LAPTM4B: variants seen among roughly 807,000 people sequenced by gnomAD.
LAPTM4B encodes lysosomal-associated transmembrane protein 4B.
In LAPTM4B, 26 loss-of-function variants were observed where a neutral mutation model predicts 28.5. The ratio of observed to expected loss-of-function variants is 0.91; its 90% CI spans 0.67 to 1.27. LAPTM4B has a LOEUF of 1.27. LAPTM4B is among the 50% of genes most tolerant of loss of function. The pLI, the probability that LAPTM4B is intolerant of heterozygous loss-of-function variation, is 0.00. For missense variants in LAPTM4B, 288 were observed against 285.8 expected (o/e 1.01, Z -0.06); for synonymous variants, 109 against 106.4 (o/e 1.02, Z -0.15).
rs1817137852 is a variant in LAPTM4B, at chr8:97,829,052, ACT to A, written c.603+3900_603+3901del. On this transcript the variant is annotated intron_variant, in intron 6 of 6. Coordinates refer to ENST00000521545, the MANE Select transcript of LAPTM4B (RefSeq NM_018407.6). ...AAAAAGAGTCCTTGAGGCAGGCAGAACTGGAAATGCAGAGTAAAAAGGTAAGA... is the reference window on the plus strand; with the variant it reads ...AAAAAGAGTCCTTGAGGCAGGCAGAAGGAAATGCAGAGTAAAAAGGTAAGA... Among the ~76,000 whole-genome samples the A allele has an allele frequency of 4.6e-5, 7 of 152,282 alleles. No individual in the cohort carries two copies. The South Asian group carries it at 1.5e-3, about 32-fold the overall frequency.
intron 1 of LAPTM4B, 57 bp downstream of exon 1, chr8:97,776,165 C>T: frequency 6.7e-7 from 1 of 1,489,248 alleles, no homozygotes; most frequent in South Asian, 1.2e-5. Context: ...CCTAGCTGGG[C>T]TTCTGGCCCG....
chr8:97,826,633 C>T (rs770624877), intron 6 of LAPTM4B, among the ~76,000 whole-genome samples: 1 of 152,014 alleles, frequency 6.6e-6, no homozygotes. Flanking sequence ...CTCAGCCTGC[C>T]GAGTAGCTGG....
At chr8:97,792,507 G>C (rs1816516073) in intron 1 of LAPTM4B, among the ~76,000 whole-genome samples, 1 of 152,052 alleles carries the variant, frequency 6.6e-6, no homozygotes, top group African/African-American at 2.4e-5. Flanking sequence ...CACCTCCCTT[G>C]GCCTCCCAAA....
At chr8:97,826,109 A>T (rs1448653530) in intron 6 of LAPTM4B, among the ~76,000 whole-genome samples, 1 of 152,184 alleles carries the variant, frequency 6.6e-6, no homozygotes, top group African/African-American at 2.4e-5. Flanking sequence ...GTATAAAATG[A>T]GACTAAAACA....
At chr8:97,837,611 T>A (rs915176878) in intron 6 of LAPTM4B, among the ~76,000 whole-genome samples, 4 of 152,208 alleles carry the variant, frequency 2.6e-5, no homozygotes, top group African/African-American at 9.6e-5. Context: ...AGGCTTTGCC[T>A]AAGCGTAGTT....
chr8:97,831,024 G>C (rs1470930620), intron 6 of LAPTM4B, among the ~76,000 whole-genome samples: 1 of 152,144 alleles, frequency 6.6e-6, no homozygotes, highest in East Asian at 1.9e-4. Context: ...TTGGAGGAGA[G>C]CAAAGGGTAG....
chr8:97,835,804 T>C (rs6986429), intron 6 of LAPTM4B, among the ~76,000 whole-genome samples: 59,604 of 151,886 alleles, frequency 0.39, 12,297 homozygotes, highest in Non-Finnish European at 0.46. Context: ...AAAATTTGGT[T>C]ATAAGAGGAA....
intron 6 of LAPTM4B, among the ~76,000 whole-genome samples, chr8:97,847,233 T>C (rs998021259): frequency 2.0e-4 from 30 of 152,234 alleles, no homozygotes; most frequent in Middle Eastern, 3.2e-3. Context: ...GCTGAACTCA[T>C]GTTAAAACCA....
At chr8:97,799,954 CATCTTTT>C (rs1246830962) in intron 1 of LAPTM4B, among the ~76,000 whole-genome samples, 1 of 152,192 alleles carries the variant, frequency 6.6e-6, no homozygotes, top group Non-Finnish European at 1.5e-5. Context: ...TCCAAATCTT[CATCTTTT>C]GAGTTCCTGT....
intron 6 of LAPTM4B, among the ~76,000 whole-genome samples, chr8:97,843,325 G>C (rs1228240422): frequency 1.3e-5 from 2 of 152,142 alleles, no homozygotes; most frequent in Non-Finnish European, 2.9e-5. Flanking sequence ...TACTCAGGAG[G>C]CTGAGGCAGG....
intron 1 of LAPTM4B, among the ~76,000 whole-genome samples, chr8:97,777,137 GTTTTTTT>G (rs1176218610): frequency 4.8e-4 from 40 of 83,852 alleles, no homozygotes; most frequent in South Asian, 1.0e-3. Context: ...TTTCAGTGAG[GTTTTTTT>G]TTTTTTTTTT....
chr8:97,793,713 G>A lies in LAPTM4B; in HGVS notation c.100-11640G>A, dbSNP rs183740782. 3.9e-5 allele frequency among the ~76,000 whole-genome samples: 6 copies of A among 152,332 alleles called. No homozygotes were observed. In the East Asian group the frequency reaches 1.2e-3, roughly 29 times the overall value. ...TCCCAAATTGATATACTAGAAGAAT[G>A]TGAAAATAATAATAAAAGCAAGATT... is the stretch of plus-strand genomic sequence containing the variant. On this transcript the variant is annotated intron_variant, in intron 1 of 6. Coordinates refer to ENST00000521545, the MANE Select transcript of LAPTM4B (RefSeq NM_018407.6).
At chr8:97,825,240 TTTA>T (rs2129813698) in intron 6 of LAPTM4B, 87 bp downstream of exon 6, 1 of 678,808 alleles carries the variant, frequency 1.5e-6, no homozygotes, top group South Asian at 2.0e-5. Flanking sequence ...TTGCTACATT[TTTA>T]TTGTTACTGA....
intron 6 of LAPTM4B, among the ~76,000 whole-genome samples, chr8:97,844,586 A>T (rs1487543364): frequency 6.6e-6 from 1 of 152,170 alleles, no homozygotes; most frequent in Non-Finnish European, 1.5e-5. Flanking sequence ...GTTTCACAAG[A>T]CTGGAAGACT....
chr8:97,845,569 A>G (rs973298667), intron 6 of LAPTM4B, among the ~76,000 whole-genome samples: 1 of 151,700 alleles, frequency 6.6e-6, no homozygotes, highest in African/African-American at 2.4e-5. Flanking sequence ...GCTTTACCTC[A>G]CCCTTCTTAG....
chr8:97,800,995 C>G (rs746194216), intron 1 of LAPTM4B, among the ~76,000 whole-genome samples: 3 of 152,044 alleles, frequency 2.0e-5, no homozygotes, highest in Admixed American at 2.0e-4. Context: ...CTACGGGACC[C>G]CAGACTCACA....
chr8:97,782,922 A>T (rs1431524140), intron 1 of LAPTM4B, among the ~76,000 whole-genome samples: 4 of 146,038 alleles, frequency 2.7e-5, no homozygotes, highest in Non-Finnish European at 6.0e-5. Context: ...TTATTTATTT[A>T]TTTATTTATT....
In LAPTM4B at chr8:97,850,005, C is replaced by T. The variant is rs557981729; in HGVS notation, c.604-1392C>T. On this transcript the variant is annotated intron_variant, in intron 6 of 6. Coordinates refer to ENST00000521545, the MANE Select transcript of LAPTM4B (RefSeq NM_018407.6). ...GCACACTGGCCTCTACCTGGTTCAG[C>T]GGGAAGCCTCTCCACTGTCCAATGG... is the stretch of plus-strand genomic sequence containing the variant. Among the ~76,000 whole-genome samples the T allele has an allele frequency of 4.5e-4, 69 of 151,926 alleles. 4 individuals are homozygous for T. Among genetic ancestry groups the T allele is most frequent in the African/African-American group, 1.6e-3 (66 of 41,216 alleles).
intron 1 of LAPTM4B, among the ~76,000 whole-genome samples, chr8:97,782,906 T>TTTTTTTTATTTATTTA (rs377520166): frequency 2.5e-4 from 34 of 135,114 alleles, no homozygotes; most frequent in African/African-American, 8.0e-4. Context: ...TAATTTTGTA[T>TTTTTTTTATTTATTTA]TTTATTTATT....
Sources: allele counts gnomAD v4.1 joint callset (sites outside exome capture counted in the v4.1 genomes callset), GRCh38; gene constraint gnomAD v4.1.1; transcripts MANE v1.5; gene names NCBI Gene and HGNC (gene_info 2026-07-23, HGNC 2026-07-21).